SUSD4: variants seen among roughly 807,000 people sequenced by gnomAD.
The protein encoded by SUSD4 is sushi domain-containing protein 4.
SUSD4 carries 41 observed loss-of-function variants against 50.5 expected under a neutral mutation model. That is an observed-to-expected ratio of 0.81 (90% confidence interval 0.63 to 1.05). The LOEUF (loss-of-function observed/expected upper bound fraction) is 1.05, where lower values mean the gene tolerates loss of function less well. SUSD4 is among the 50% of genes least tolerant of loss of function. SUSD4 has a pLI of 0.00. For missense variants in SUSD4, 580 were observed against 634.7 expected (o/e 0.91, Z 0.93); for synonymous variants, 257 against 257.3 (o/e 1.00, Z 0.01).
At position 223,333,769 on chromosome 1, in the gene SUSD4, G is replaced by A. The variant is rs555155935; in HGVS notation, c.148+29509C>T. 9.2e-5 allele frequency among the ~76,000 whole-genome samples: 14 copies of A among 152,252 alleles called. No homozygotes were observed. The South Asian group carries it at 2.9e-3, about 32-fold the overall frequency. ...GGGACTGGCTGAAATGCATAAAGAG[G>A]TCATTCCACCCCAGGTCCTCTCTCC... is the stretch of plus-strand genomic sequence containing the variant. On this transcript the variant is annotated intron_variant, in intron 2 of 8. Coordinates refer to ENST00000366878, the MANE Select transcript of SUSD4 (RefSeq NM_017982.4).
At chr1:223,348,195 C>T (rs1668149128) in intron 2 of SUSD4, among the ~76,000 whole-genome samples, 1 of 152,148 alleles carries the variant, frequency 6.6e-6, no homozygotes, top group Admixed American at 6.5e-5. Flanking sequence ...GTCCATAATG[C>T]TTCAATATGT....
At chr1:223,261,574 G>A (rs1049822555) in intron 5 of SUSD4, among the ~76,000 whole-genome samples, 6 of 152,234 alleles carry the variant, frequency 3.9e-5, no homozygotes, top group African/African-American at 1.4e-4. Flanking sequence ...TGACACCTAT[G>A]TAGTAAGCTC....
intron 3 of SUSD4, among the ~76,000 whole-genome samples, chr1:223,271,871 C>T (rs1246545624): frequency 1.3e-5 from 2 of 152,114 alleles, no homozygotes; most frequent in African/African-American, 2.4e-5. Flanking sequence ...GTCTAATATC[C>T]ATCAATTCTG....
At chr1:223,299,080 G>A (rs1011968668) in intron 2 of SUSD4, among the ~76,000 whole-genome samples, 26 of 152,156 alleles carry the variant, frequency 1.7e-4, no homozygotes, top group Non-Finnish European at 2.8e-4. Context: ...AATTTTCTAG[G>A]GCCTGCCAGA....
At chr1:223,333,908 T>C (rs550444426) in intron 2 of SUSD4, among the ~76,000 whole-genome samples, 3 of 152,138 alleles carry the variant, frequency 2.0e-5, no homozygotes. Flanking sequence ...AAAAGCCCTA[T>C]AGATGTGGAC....
chr1:223,365,091 T>C (rs1572154075), upstream of SUSD4, among the ~76,000 whole-genome samples: 1 of 151,512 alleles, frequency 6.6e-6, no homozygotes, highest in African/African-American at 2.4e-5. Context: ...ACGCAGAAGG[T>C]TGGGTACCTG....
intron 3 of SUSD4, among the ~76,000 whole-genome samples, chr1:223,291,954 G>A (rs568512182): frequency 5.3e-5 from 8 of 152,284 alleles, no homozygotes; most frequent in African/African-American, 9.6e-5. Flanking sequence ...TGTCTACCTC[G>A]TTAATCTGTC....
intron 4 of SUSD4, among the ~76,000 whole-genome samples, chr1:223,267,964 G>C (rs1662606910): frequency 7.3e-6 from 1 of 137,032 alleles, no homozygotes; most frequent in East Asian, 2.3e-4. Flanking sequence ...TCACCAGCTT[G>C]TTCGGATGAA....
intron 5 of SUSD4, among the ~76,000 whole-genome samples, chr1:223,252,246 T>C (rs1020914217): frequency 2.1e-5 from 3 of 142,148 alleles, no homozygotes; most frequent in African/African-American, 7.9e-5. Flanking sequence ...AATATATATA[T>C]ATATATATAA....
intron 2 of SUSD4, among the ~76,000 whole-genome samples, chr1:223,319,712 C>A (rs1217335069): frequency 6.6e-6 from 1 of 152,182 alleles, no homozygotes; most frequent in African/African-American, 2.4e-5. Flanking sequence ...TTTCTGGGGG[C>A]ATGTTTCTTC....
At chr1:223,296,618 T>C (rs1227076485) in intron 2 of SUSD4, among the ~76,000 whole-genome samples, 11 of 152,108 alleles carry the variant, frequency 7.2e-5, no homozygotes, top group African/African-American at 2.4e-4. Context: ...GAAAGGATGA[T>C]AGAGTTTGGC....
intron 7 of SUSD4, among the ~76,000 whole-genome samples, chr1:223,224,794 T>A (rs1038368413): frequency 6.6e-6 from 1 of 150,516 alleles, no homozygotes; most frequent in Non-Finnish European, 1.5e-5. Flanking sequence ...GTGACCCCCA[T>A]ACTCTGCTCC....
At chr1:223,289,759 C>T (rs958782755) in intron 3 of SUSD4, among the ~76,000 whole-genome samples, 4 of 152,312 alleles carry the variant, frequency 2.6e-5, no homozygotes, top group East Asian at 3.9e-4. Context: ...GCTTGAATTA[C>T]GTGATTTCTC....
chr1:223,346,266 G>T (rs1482159686), intron 2 of SUSD4, among the ~76,000 whole-genome samples: 1 of 152,010 alleles, frequency 6.6e-6, no homozygotes, highest in African/African-American at 2.4e-5. Context: ...ACTTAAACAT[G>T]CTCCTCCGTT....
At chr1:223,279,300 A>C (rs2103110383) in intron 3 of SUSD4, among the ~76,000 whole-genome samples, 1 of 152,300 alleles carries the variant, frequency 6.6e-6, no homozygotes, top group African/African-American at 2.4e-5. Context: ...TTCAAACCCA[A>C]TGCAAAGAAG....
At chr1:223,338,246 C>T (rs549338801) in intron 2 of SUSD4, among the ~76,000 whole-genome samples, 83 of 152,270 alleles carry the variant, frequency 5.5e-4, no homozygotes, top group African/African-American at 2.0e-3. Flanking sequence ...GAAAATAATA[C>T]AAGGGACCCC....
chr1:223,288,154 G>A (rs926403932), intron 3 of SUSD4, among the ~76,000 whole-genome samples: 5 of 152,178 alleles, frequency 3.3e-5, no homozygotes, highest in Admixed American at 1.3e-4. Context: ...TGTTGAGGGA[G>A]GACCTGATGG....
At chr1:223,281,793 A>G (rs1663755962) in intron 3 of SUSD4, among the ~76,000 whole-genome samples, 1 of 152,180 alleles carries the variant, frequency 6.6e-6, no homozygotes, top group Admixed American at 6.5e-5. Context: ...AAAAAAAGAG[A>G]ATTTTAGACC....
intron 3 of SUSD4, among the ~76,000 whole-genome samples, chr1:223,270,640 G>C (rs1662851410): frequency 6.6e-6 from 1 of 152,092 alleles, no homozygotes; most frequent in South Asian, 2.1e-4. Context: ...CATAATCTCA[G>C]CTCACTGCAA....
Sources: allele counts gnomAD v4.1 joint callset (sites outside exome capture counted in the v4.1 genomes callset), GRCh38; gene constraint gnomAD v4.1.1; transcripts MANE v1.5; gene names NCBI Gene and HGNC (gene_info 2026-07-23, HGNC 2026-07-21).